Variants in DARS1 observed in about 807,000 individuals in gnomAD.
DARS1 encodes the protein aspartate--tRNA ligase, cytoplasmic.
In DARS1, 51 loss-of-function variants were observed where a neutral mutation model predicts 68.8. The observed-to-expected ratio is 0.74, with a 90% CI of 0.59 to 0.94. DARS1 has a LOEUF of 0.94. Ranked by LOEUF, DARS1 falls within the 40% of genes least tolerant of loss-of-function variation. The pLI is 0.00. For synonymous variants in DARS1, 203 were observed against 190.4 expected (o/e 1.07, Z -0.55); for missense variants, 607 against 597.3 (o/e 1.02, Z -0.17).
In DARS1 at chr2:135,961,784, A is replaced by C. The variant is rs75794936; in HGVS notation, c.218-286T>G. 8.6e-3 allele frequency among the ~76,000 whole-genome samples: 1,315 copies of C among 152,326 alleles called. 16 individuals are homozygous for C. Among genetic ancestry groups the C allele is most frequent in the African/African-American group, 0.028 (1,161 of 41,574 alleles). The stretch of plus-strand genomic sequence containing the variant: ...TTCAAAAAAACTTCTAAATCAAGAA[A>C]ATTATTTTGTCATTGCATTGATTTA... On this transcript the variant is annotated intron_variant, in intron 3 of 15. Coordinates refer to ENST00000264161, the MANE Select transcript of DARS1 (RefSeq NM_001349.4).
chr2:135,949,380 C>G (rs1173591174), intron 4 of DARS1, among the ~76,000 whole-genome samples: 6 of 151,974 alleles, frequency 3.9e-5, no homozygotes, highest in Non-Finnish European at 7.4e-5. Context: ...CCAAAACTAA[C>G]ACAAACTACT....
At chr2:135,943,215 G>A (rs1681645560) in intron 5 of DARS1, 163 bp downstream of exon 5, 1 of 1,002,764 alleles carries the variant, frequency 1.0e-6, no homozygotes, top group African/African-American at 1.6e-5. Flanking sequence ...AAGTCACTAA[G>A]TACTGGGGTG....
chr2:135,969,173 C>T (rs1015594992), intron 3 of DARS1, among the ~76,000 whole-genome samples: 2 of 151,858 alleles, frequency 1.3e-5, no homozygotes, highest in African/African-American at 4.8e-5. Flanking sequence ...AATACTACCT[C>T]GTGTAGATCT....
chr2:135,906,081 A>C lies in DARS1; in HGVS notation c.*1235T>G, dbSNP rs189405026. ...TTAAGGTATTCTGGTAGGATATGAA[A>C]GAAAAAAATAAGAACTGAATCTAAA... On this transcript the variant is annotated 3_prime_UTR_variant, in exon 16 of 16. Transcript: ENST00000264161. Among the ~76,000 whole-genome samples the C allele has an allele frequency of 5.4e-4, 82 of 152,334 alleles. 1 individual carries two copies. Among genetic ancestry groups the C allele is most frequent in the Admixed American group, 4.9e-3 (75 of 15,308 alleles).
At chr2:135,964,998 C>A (rs544626719) in intron 3 of DARS1, among the ~76,000 whole-genome samples, 4 of 151,624 alleles carry the variant, frequency 2.6e-5, no homozygotes, top group Non-Finnish European at 4.4e-5. Flanking sequence ...AGTCTATGAG[C>A]ATATTGTTTT....
chr2:135,965,512 G>C (rs992660902), intron 3 of DARS1, among the ~76,000 whole-genome samples: 1 of 152,116 alleles, frequency 6.6e-6, no homozygotes, highest in Non-Finnish European at 1.5e-5. Flanking sequence ...AGCAAACAAC[G>C]ACAGATTATT....
chr2:135,975,753 CA>C (rs1170740469), intron 3 of DARS1, among the ~76,000 whole-genome samples: 2,011 of 71,694 alleles, frequency 0.028, 24 homozygotes, highest in African/African-American at 0.074. Flanking sequence ...GACCCTGACT[CA>C]AAAAAAAAAA....
chr2:135,985,280 G>A, intron 1 of DARS1, 123 bp downstream of exon 1: 1 of 1,428,510 alleles, frequency 7.0e-7, no homozygotes. Flanking sequence ...CGGACCCCAC[G>A]CCCGCAGCCT....
At chr2:135,967,670 C>T (rs907909260) in intron 3 of DARS1, among the ~76,000 whole-genome samples, 6 of 151,824 alleles carry the variant, frequency 4.0e-5, no homozygotes, top group East Asian at 1.9e-4. Context: ...TTTTTTTATA[C>T]GAAGAGACTC....
chr2:135,980,134 T>A (rs530824336), intron 2 of DARS1, among the ~76,000 whole-genome samples: 14 of 152,326 alleles, frequency 9.2e-5, no homozygotes, highest in Admixed American at 1.3e-4. Flanking sequence ...TACATTTCCC[T>A]ATCGAGCCTT....
chr2:135,971,477 T>C (rs1682368747), intron 3 of DARS1, among the ~76,000 whole-genome samples: 1 of 152,132 alleles, frequency 6.6e-6, no homozygotes, highest in African/African-American at 2.4e-5. Flanking sequence ...GACACACAGC[T>C]AGTATTGTAC....
intron 11 of DARS1, among the ~76,000 whole-genome samples, chr2:135,915,498 G>C (rs907643105): frequency 1.8e-4 from 27 of 152,006 alleles, no homozygotes; most frequent in African/African-American, 5.6e-4. Context: ...GTGTTGTCCA[G>C]GCTGGTCCCG....
chr2:135,950,951 G>A (rs1681826769), intron 4 of DARS1, among the ~76,000 whole-genome samples: 1 of 152,126 alleles, frequency 6.6e-6, no homozygotes, highest in African/African-American at 2.4e-5. Flanking sequence ...TTCAGGAATG[G>A]AGCATGGGGC....
intron 3 of DARS1, among the ~76,000 whole-genome samples, chr2:135,977,951 T>A (rs1461245276): frequency 6.6e-6 from 1 of 151,980 alleles, no homozygotes; most frequent in Admixed American, 6.6e-5. Context: ...AAGACCAGCC[T>A]GGCCAACATG....
At chr2:135,929,899 C>T (rs578064947) in intron 7 of DARS1, among the ~76,000 whole-genome samples, 3 of 152,224 alleles carry the variant, frequency 2.0e-5, no homozygotes, top group South Asian at 2.1e-4. Context: ...TGCTGTGTGG[C>T]TACTTTAAGC....
chr2:135,913,177 T>C (rs915507986), intron 12 of DARS1, among the ~76,000 whole-genome samples: 9 of 152,142 alleles, frequency 5.9e-5, no homozygotes, highest in Admixed American at 2.0e-4. Flanking sequence ...TTCTGATGCA[T>C]TTTATAATGA....
At chr2:135,966,233 T>A (rs1357400194) in intron 3 of DARS1, among the ~76,000 whole-genome samples, 1 of 151,882 alleles carries the variant, frequency 6.6e-6, no homozygotes, top group Middle Eastern at 3.2e-3. Context: ...GGGAAGAGAC[T>A]GTGGTGAGAT....
At chr2:135,937,260 TG>T (rs969080403) in intron 5 of DARS1, among the ~76,000 whole-genome samples, 14 of 152,276 alleles carry the variant, frequency 9.2e-5, no homozygotes, top group African/African-American at 3.1e-4. Context: ...GGCTAATTTT[TG>T]TATTTTTAGT....
At chr2:135,923,049 A>C (rs1234852590) in intron 8 of DARS1, 131 bp from the exon 9 acceptor site, 2 of 1,090,952 alleles carry the variant, frequency 1.8e-6, no homozygotes, top group South Asian at 3.3e-5. Context: ...ATTGTGGCTA[A>C]ATCACAGTCT....
Sources: gnomAD v4.1 joint callset for allele counts (sites outside exome capture counted in the v4.1 genomes callset) on GRCh38, gnomAD v4.1.1 for gene constraint, MANE v1.5 for transcripts, NCBI Gene and HGNC (gene_info 2026-07-23, HGNC 2026-07-21) for gene names.